WDR11: variants seen among roughly 807,000 people sequenced by gnomAD.
WDR11 encodes WD repeat domain 11.
WDR11 carries 83 observed loss-of-function variants against 151.2 expected under a neutral mutation model. The ratio of observed to expected loss-of-function variants is 0.55; its 90% confidence interval spans 0.46 to 0.66. WDR11 has a LOEUF of 0.66. Ranked by LOEUF, WDR11 falls within the 30% of genes least tolerant of loss-of-function variation. The pLI is 0.00. For synonymous variants in WDR11, 484 were observed against 533.1 expected (o/e 0.91, Z 1.27); for missense variants, 1,301 against 1,480.9 (o/e 0.88, Z 1.99).
At position 120,858,677 on chromosome 10, in the gene WDR11, T is replaced by C. The variant is rs1232330802; in HGVS notation, c.233T>C (p.Ile78Thr). The change falls in exon 3 of 29, where the codon ATT becomes ACT. Residue 78 changes from isoleucine (I) to threonine (T), a missense_variant. Ile to Thr is a moderately conservative substitution (Grantham distance 89). Coordinates refer to ENST00000263461, the MANE Select transcript of WDR11 (RefSeq NM_018117.12). ...GCCAGGGAAAACTATCACCATAACA[T>C]TGGCTCACCATATTGCTTACGGTTA... is the stretch of plus-strand genomic sequence containing the variant. Reference protein sequence around the residue: ...KWARENYHHNIGSPYCLRLAS... With the variant: ...KWARENYHHNTGSPYCLRLAS... 1 of 1,614,242 alleles carries C rather than the reference T, an allele frequency of 6.2e-7. No homozygotes were observed. The highest frequency in any genetic ancestry group is 1.1e-5 in the South Asian group (1 of 91,086).
intron 7 of WDR11, 23 bp downstream of exon 7, chr10:120,865,767 T>C: frequency 6.7e-7 from 1 of 1,487,434 alleles, no homozygotes; most frequent in Non-Finnish European, 9.4e-7. Context: ...CTCACAATAA[T>C]GTTATATTTT....
intron 6 of WDR11, 40 bp from the exon 7 acceptor site, chr10:120,865,590 C>A (rs752577497): frequency 3.0e-6 from 4 of 1,323,054 alleles, no homozygotes; most frequent in Admixed American, 1.8e-5. Flanking sequence ...CTTTATTAAT[C>A]TATTGTGTTT....
chr10:120,902,888 A>G (rs1469083315), intron 22 of WDR11, among the ~76,000 whole-genome samples, 167 bp from the exon 23 acceptor site: 2 of 152,176 alleles, frequency 1.3e-5, no homozygotes, highest in African/African-American at 4.8e-5. Flanking sequence ...AAGGCCCAGT[A>G]GCAGGGCAGG....
At position 120,867,097 on chromosome 10, in the gene WDR11, G is replaced by C; in HGVS notation, c.1222G>C (p.Val408Leu). 1 of 1,613,818 alleles carries C rather than the reference G, an allele frequency of 6.2e-7. No individual in the cohort carries two copies. The highest frequency in any genetic ancestry group is 8.5e-7 in the Non-Finnish European group (1 of 1,179,886). ...SSGVSPLYSP[V>L]SFCGIPVGVL... ...TGGTGTGTCACCTTTATATTCACCAGTGTCTTTCTGTGGAATTCCTGTAGG... is the reference window on the plus strand; with the variant it reads ...TGGTGTGTCACCTTTATATTCACCACTGTCTTTCTGTGGAATTCCTGTAGG... The change falls in exon 9 of 29, where the codon GTG becomes CTG. Residue 408 changes from valine (V) to leucine (L), a missense_variant. By Grantham distance (32) the Val-to-Leu change is conservative. Coordinates refer to ENST00000263461, the MANE Select transcript of WDR11 (RefSeq NM_018117.12).
intron 11 of WDR11, among the ~76,000 whole-genome samples, chr10:120,875,978 CTTTT>C (rs67775105): frequency 1.6e-5 from 2 of 122,812 alleles, no homozygotes; most frequent in African/African-American, 3.1e-5. Flanking sequence ...CCTTTTTTTT[CTTTT>C]TTTTTTTTTT....
chr10:120,869,375 A>G (rs1478518868), intron 9 of WDR11, among the ~76,000 whole-genome samples: 1 of 151,912 alleles, frequency 6.6e-6, no homozygotes, highest in Non-Finnish European at 1.5e-5. Flanking sequence ...GGCCTCCCAA[A>G]GTGCTGGGAT....
rs1414017736 is a variant in WDR11 at position 120,908,846 on chromosome 10, CTA to C, written c.*135_*136del. ...GAGCTGTTTGACCACTGTTCTAAGA[CTA>C]TGTGTGCCCAAAAGCACATAAGCAT... On this transcript the variant is annotated 3_prime_UTR_variant, in exon 29 of 29. Coordinates refer to ENST00000263461, the MANE Select transcript of WDR11 (RefSeq NM_018117.12). 12 of 813,742 alleles carry C rather than the reference CTA, an allele frequency of 1.5e-5. No individual in the cohort carries two copies. The highest frequency in any genetic ancestry group is 4.0e-5 in the African/African-American group (2 of 50,038). 50.4% of individuals were successfully genotyped at this position (813,742 alleles called of 1,614,324 possible).
chr10:120,851,579 G>A, intron 1 of WDR11, 73 bp downstream of exon 1: 9 of 1,550,496 alleles, frequency 5.8e-6, no homozygotes, highest in Non-Finnish European at 7.9e-6. Flanking sequence ...AGGACAAGAG[G>A]TTTCACCCCC....
intron 9 of WDR11, among the ~76,000 whole-genome samples, chr10:120,870,035 G>A (rs1846479116): frequency 1.3e-5 from 2 of 152,132 alleles, no homozygotes; most frequent in East Asian, 3.9e-4. Context: ...TGATCCGGTT[G>A]CCTCGGCCTC....
chr10:120,851,733 G>C (rs1417780809), intron 1 of WDR11: 1 of 606,582 alleles, frequency 1.6e-6, no homozygotes, highest in Non-Finnish European at 2.9e-6. Flanking sequence ...TCTTTCTCGC[G>C]TATTTCTCTG....
At chr10:120,895,910 A>T (rs577120976) in intron 19 of WDR11, among the ~76,000 whole-genome samples, 2 of 152,306 alleles carry the variant, frequency 1.3e-5, no homozygotes, top group Admixed American at 6.5e-5. Context: ...GAATTTGGCA[A>T]TATCTAACAG....
At chr10:120,889,593 G>GATC (rs962988285) in intron 17 of WDR11, 4 of 443,268 alleles carry the variant, frequency 9.0e-6, no homozygotes, top group Admixed American at 7.0e-5. Context: ...TGGCAAGAAG[G>GATC]ATCAGTAAAC....
rs142522211 is a variant in WDR11 at position 120,857,884 on chromosome 10, G to A, written c.199-759G>A. Among the ~76,000 whole-genome samples the A allele has an allele frequency of 3.8e-3, 575 of 152,210 alleles. 2 individuals carry two copies. The highest frequency in any genetic ancestry group is 5.6e-3 in the Non-Finnish European group (379 of 68,002). ...TTACAGTTGATGGACTCATGAATAGGCAAAAAGAATGTAAATAAAATAAGT... is the reference window on the plus strand; with the variant it reads ...TTACAGTTGATGGACTCATGAATAGACAAAAAGAATGTAAATAAAATAAGT... On this transcript the variant is annotated intron_variant, in intron 2 of 28. Coordinates refer to ENST00000263461, the MANE Select transcript of WDR11 (RefSeq NM_018117.12).
intron 1 of WDR11, 79 bp downstream of exon 1, chr10:120,851,585 C>G: frequency 1.3e-6 from 2 of 1,539,480 alleles, no homozygotes; most frequent in Non-Finnish European, 1.8e-6. Context: ...AGAGGTTTCA[C>G]CCCCTGGTTA....
chr10:120,883,326 ACTT>A (rs1293462745), intron 13 of WDR11, among the ~76,000 whole-genome samples: 1 of 152,206 alleles, frequency 6.6e-6, no homozygotes, highest in African/African-American at 2.4e-5. Flanking sequence ...GTCATTCAGT[ACTT>A]CTTTCAGGCT....
At chr10:120,878,224 G>C in intron 11 of WDR11, 129 bp from the exon 12 acceptor site, 1 of 693,270 alleles carries the variant, frequency 1.4e-6, no homozygotes, top group Non-Finnish European at 2.5e-6. Flanking sequence ...TAAGATAAAA[G>C]GTCATGCTTA....
chr10:120,877,137 T>C (rs1197498279), intron 11 of WDR11, among the ~76,000 whole-genome samples: 2 of 152,232 alleles, frequency 1.3e-5, no homozygotes, highest in Non-Finnish European at 2.9e-5. Flanking sequence ...TTTATTATCC[T>C]GGATTAGTCA....
At chr10:120,869,285 G>T (rs941218628) in intron 9 of WDR11, among the ~76,000 whole-genome samples, 4 of 150,562 alleles carry the variant, frequency 2.7e-5, no homozygotes, top group African/African-American at 9.8e-5. Context: ...TAATTTTTTT[G>T]TGTTTTTTTA....
chr10:120,851,858 A>C, intron 1 of WDR11: 1 of 377,846 alleles, frequency 2.6e-6, no homozygotes, highest in Non-Finnish European at 4.9e-6. Context: ...TCTCTTTCCC[A>C]TCCTGTCTTT....
Sources: allele counts gnomAD v4.1 joint callset (sites outside exome capture counted in the v4.1 genomes callset), GRCh38; gene constraint gnomAD v4.1.1; transcripts MANE v1.5; gene names NCBI Gene and HGNC (gene_info 2026-07-23, HGNC 2026-07-21).